Variants in ZFAT observed in about 807,000 individuals in gnomAD.
ZFAT encodes the protein zinc finger protein ZFAT.
In ZFAT, 64 loss-of-function variants were observed where a neutral mutation model predicts 117.7. The ratio of observed to expected loss-of-function variants is 0.54; its 90% CI spans 0.44 to 0.67. The LOEUF is 0.67. ZFAT is among the 30% of genes least tolerant of loss of function. The pLI, the probability that ZFAT is intolerant of heterozygous loss-of-function variation, is 0.00. For synonymous variants in ZFAT, 679 were observed against 615.0 expected (o/e 1.10, Z -1.54); for missense variants, 1,433 against 1,584.5 (o/e 0.90, Z 1.62).
the ZFAT span, among the ~76,000 whole-genome samples, chr8:134,768,172 GCA>G: frequency 6.6e-6 from 1 of 152,062 alleles, no homozygotes; most frequent in African/African-American, 2.4e-5. Context: ...TTTTCCAACA[GCA>G]CGTGCTCGCT....
At chr8:134,621,611 T>C (rs890278467) in intron 3 of ZFAT, among the ~76,000 whole-genome samples, 1 of 152,214 alleles carries the variant, frequency 6.6e-6, no homozygotes, top group African/African-American at 2.4e-5. Context: ...ATTGTCAGCA[T>C]ACTGGGATGG....
At chr8:134,831,496 C>T in the ZFAT span, among the ~76,000 whole-genome samples, 1 of 152,210 alleles carries the variant, frequency 6.6e-6, no homozygotes, top group Non-Finnish European at 1.5e-5. Flanking sequence ...ACGGGTGCTC[C>T]CGGCCTCTCT....
In ZFAT at chr8:134,583,530, C is replaced by T. The variant is rs138592946; in HGVS notation, c.2887+302G>A. Among the ~76,000 whole-genome samples the T allele has an allele frequency of 3.9e-3, 589 of 152,226 alleles. 9 individuals carry two copies. Among genetic ancestry groups the T allele is most frequent in the East Asian group, 0.029 (152 of 5,180 alleles). On this transcript the variant is annotated intron_variant, in intron 10 of 15. Transcript: ENST00000377838. ...GGAGGGCTAAAAAGGATGGAAACTT[C>T]GGAACCATGGATCAAGGCTTTCTGA...
chr8:134,769,987 C>T, the ZFAT span, among the ~76,000 whole-genome samples: 1 of 152,226 alleles, frequency 6.6e-6, no homozygotes, highest in South Asian at 2.1e-4. Flanking sequence ...CTGGGTGGCA[C>T]ACAGGACAGG....
chr8:134,655,146 G>T (rs1321318337), intron 2 of ZFAT, among the ~76,000 whole-genome samples: 1 of 152,180 alleles, frequency 6.6e-6, no homozygotes, highest in Non-Finnish European at 1.5e-5. Flanking sequence ...TGAGAGGGAG[G>T]AGAGGGGCAT....
chr8:134,806,369 T>G, the ZFAT span, among the ~76,000 whole-genome samples: 1 of 152,366 alleles, frequency 6.6e-6, no homozygotes, highest in Non-Finnish European at 1.5e-5. Context: ...ACATGTGGTC[T>G]CTATGGATAC....
intron 11 of ZFAT, among the ~76,000 whole-genome samples, chr8:134,542,072 A>T (rs959622765): frequency 3.9e-5 from 6 of 152,132 alleles, no homozygotes; most frequent in African/African-American, 1.4e-4. Context: ...AGACTTGCCC[A>T]CTTCTCTGAC....
chr8:134,643,726 C>A (rs1234314921), intron 2 of ZFAT, among the ~76,000 whole-genome samples: 3 of 152,194 alleles, frequency 2.0e-5, no homozygotes, highest in Admixed American at 2.0e-4. Flanking sequence ...CAGCCCTGAG[C>A]ACGTTTTATG....
At chr8:134,828,286 A>C in the ZFAT span, among the ~76,000 whole-genome samples, 1 of 152,200 alleles carries the variant, frequency 6.6e-6, no homozygotes, top group East Asian at 1.9e-4. Context: ...CATTTTTATA[A>C]TATTCAATTA....
the ZFAT span, among the ~76,000 whole-genome samples, chr8:134,721,697 CCTT>C: frequency 6.6e-6 from 1 of 152,212 alleles, no homozygotes; most frequent in Non-Finnish European, 1.5e-5. Flanking sequence ...GTGAAACCCT[CCTT>C]CTTCCCAGGC....
chr8:134,674,976 A>T (rs1307331514), intron 1 of ZFAT: 1 of 152,392 alleles, frequency 6.6e-6, no homozygotes, highest in African/African-American at 2.4e-5. Context: ...GACCAAAGGT[A>T]GGTAAATCAA....
At chr8:134,615,309 C>T (rs935151311) in intron 3 of ZFAT, among the ~76,000 whole-genome samples, 1 of 152,164 alleles carries the variant, frequency 6.6e-6, no homozygotes, top group African/African-American at 2.4e-5. Context: ...GCCTCAGCCT[C>T]CCAAGTAGCT....
intron 3 of ZFAT, among the ~76,000 whole-genome samples, chr8:134,624,254 G>A (rs1829343557): frequency 6.6e-6 from 1 of 150,710 alleles, no homozygotes; most frequent in African/African-American, 2.5e-5. Context: ...ACCTTACTAA[G>A]AAAAACAAAG....
intron 1 of ZFAT, among the ~76,000 whole-genome samples, chr8:134,663,724 C>A (rs891104380): frequency 2.0e-5 from 3 of 152,152 alleles, no homozygotes; most frequent in African/African-American, 7.2e-5. Flanking sequence ...GGTGACAGAG[C>A]AAGACTCTGT....
chr8:134,628,669 C>A lies in ZFAT; in HGVS notation c.448+8792G>T, dbSNP rs540687140. On this transcript the variant is annotated intron_variant, in intron 3 of 15. Coordinates refer to ENST00000377838, the MANE Select transcript of ZFAT (RefSeq NM_020863.4). ...TTATAATACCATGTGTGTATTATAA[C>A]ACCTATAGCATATTAATACAGCAGT... Among the ~76,000 whole-genome samples the A allele has an allele frequency of 2.3e-3, 351 of 152,278 alleles. 1 individual carries two copies. Among genetic ancestry groups the A allele is most frequent in the African/African-American group, 8.0e-3 (333 of 41,546 alleles).
At chr8:134,684,643 A>AT (rs1449514156) in intron 1 of ZFAT, among the ~76,000 whole-genome samples, 1 of 152,206 alleles carries the variant, frequency 6.6e-6, no homozygotes, top group Non-Finnish European at 1.5e-5. Flanking sequence ...CCTTTATGTA[A>AT]TAAAGGTATG....
At position 134,630,249 on chromosome 8, in the gene ZFAT, G is replaced by C. The variant is rs75460427; in HGVS notation, c.448+7212C>G. 1.8e-3 allele frequency among the ~76,000 whole-genome samples: 275 copies of C among 152,330 alleles called. 1 individual carries two copies. Among genetic ancestry groups the C allele is most frequent in the African/African-American group, 6.3e-3 (263 of 41,574 alleles). The stretch of plus-strand genomic sequence containing the variant: ...AGACCACTGGGTTTCCACTCACCTA[G>C]TTAGTACAGAGGAAAAAATGAGGGT... On this transcript the variant is annotated intron_variant, in intron 3 of 15. Coordinates refer to ENST00000377838, the MANE Select transcript of ZFAT (RefSeq NM_020863.4).
intron 3 of ZFAT, among the ~76,000 whole-genome samples, chr8:134,611,860 G>A (rs17770304): frequency 0.17 from 25,262 of 152,082 alleles, 2,365 homozygotes; most frequent in Non-Finnish European, 0.22. Context: ...CAAAGTCAAC[G>A]GGTTCAAAAA....
chr8:134,653,272 A>ATTT (rs1831377158), intron 2 of ZFAT, among the ~76,000 whole-genome samples: 1 of 113,370 alleles, frequency 8.8e-6, no homozygotes, highest in Admixed American at 8.6e-5. Flanking sequence ...GTCTTTTTTA[A>ATTT]AAAAAAAAAA....
Sources: allele counts gnomAD v4.1 joint callset (sites outside exome capture counted in the v4.1 genomes callset), GRCh38; gene constraint gnomAD v4.1.1; transcripts MANE v1.5; gene names NCBI Gene and HGNC (gene_info 2026-07-23, HGNC 2026-07-21).